The following LRP1B variants were observed in gnomAD, a reference collection of about 807,000 sequenced individuals.
LRP1B encodes the protein LDL receptor related protein 1B.
In LRP1B, 217 loss-of-function variants were observed where a neutral mutation model predicts 556.6. The ratio of observed to expected loss-of-function variants is 0.39; its 90% CI spans 0.35 to 0.44. The LOEUF (loss-of-function observed/expected upper bound fraction) is 0.44, where lower values mean the gene tolerates loss of function less well. LRP1B is among the 20% of genes least tolerant of loss of function. LRP1B has a pLI of 1.00. For missense variants in LRP1B, 5,053 were observed against 5,620.8 expected (o/e 0.90, Z 3.23); for synonymous variants, 2,047 against 1,865.8 (o/e 1.10, Z -2.50).
chr2:141,244,462 GA>G (rs1004991423), intron 5 of LRP1B, among the ~76,000 whole-genome samples: 3 of 151,186 alleles, frequency 2.0e-5, no homozygotes, highest in African/African-American at 7.3e-5. Context: ...GTAAGGAAAA[GA>G]AGAGAAAAGA....
chr2:140,482,337 C>T (rs112632665), intron 59 of LRP1B, among the ~76,000 whole-genome samples: 1,704 of 152,004 alleles, frequency 0.011, 39 homozygotes, highest in African/African-American at 0.039. Flanking sequence ...ATCATAATGG[C>T]CTTTGTTATG....
Position 141,770,764 on chromosome 2 carries a change from G to T in LRP1B, c.205+39515C>A, listed in dbSNP as rs749644871. ...TGTCTTTAAAGAGTTAGAAGAGGTC[G>T]GTGAGGGAGATTGAACTTGGAACCC... On this transcript the variant is annotated intron_variant, in intron 2 of 90. Transcript: ENST00000389484. Among the ~76,000 whole-genome samples, 142 of 152,180 alleles carry T rather than the reference G, an allele frequency of 9.3e-4. 1 individual carries two copies. Among genetic ancestry groups the T allele is most frequent in the Non-Finnish European group, 1.7e-3 (119 of 68,034 alleles).
intron 29 of LRP1B, among the ~76,000 whole-genome samples, chr2:140,844,448 C>T (rs978470400): frequency 1.3e-5 from 2 of 151,918 alleles, no homozygotes; most frequent in African/African-American, 2.4e-5. Context: ...TAAAAGAATA[C>T]TCTTCTTTTT....
chr2:141,509,784 A>C (rs1181506409), intron 2 of LRP1B, among the ~76,000 whole-genome samples: 1 of 152,180 alleles, frequency 6.6e-6, no homozygotes, highest in Non-Finnish European at 1.5e-5. Context: ...AATATTACCC[A>C]TTCTTTATAT....
At chr2:141,924,582 C>T (rs945334458) in intron 1 of LRP1B, among the ~76,000 whole-genome samples, 2 of 152,160 alleles carry the variant, frequency 1.3e-5, no homozygotes, top group African/African-American at 4.8e-5. Context: ...CACAGGCACC[C>T]ACCCCTAGAT....
intron 83 of LRP1B, among the ~76,000 whole-genome samples, chr2:140,313,554 T>C (rs1236638492): frequency 6.6e-6 from 1 of 151,896 alleles, no homozygotes; most frequent in African/African-American, 2.4e-5. Context: ...AATATAAATA[T>C]AGATAAATCA....
At chr2:141,535,373 C>A (rs1685037951) in intron 2 of LRP1B, among the ~76,000 whole-genome samples, 1 of 151,872 alleles carries the variant, frequency 6.6e-6, no homozygotes, top group Non-Finnish European at 1.5e-5. Context: ...TAGTTCATGG[C>A]TAAAATAAAA....
At chr2:141,092,081 AT>A (rs1363942280) in intron 7 of LRP1B, among the ~76,000 whole-genome samples, 1 of 152,252 alleles carries the variant, frequency 6.6e-6, no homozygotes, top group African/African-American at 2.4e-5. Context: ...AACCAGAAAT[AT>A]GCTATGCTAA....
At chr2:141,026,268 C>A (rs1235250789) in intron 11 of LRP1B, among the ~76,000 whole-genome samples, 1 of 152,072 alleles carries the variant, frequency 6.6e-6, no homozygotes, top group African/African-American at 2.4e-5. Context: ...GTCACTTGGA[C>A]AATTTAATTT....
chr2:141,412,051 C>T (rs1370246513), intron 3 of LRP1B, among the ~76,000 whole-genome samples: 1 of 151,996 alleles, frequency 6.6e-6, no homozygotes, highest in Non-Finnish European at 1.5e-5. Flanking sequence ...TTGCATTGTG[C>T]TAAATTAACA....
intron 3 of LRP1B, among the ~76,000 whole-genome samples, chr2:141,305,507 T>C (rs1686552190): frequency 6.6e-6 from 1 of 152,194 alleles, no homozygotes; most frequent in African/African-American, 2.4e-5. Context: ...CTTTAGTTTT[T>C]GTCTAGACAT....
chr2:141,418,453 T>C (rs991953820), intron 3 of LRP1B, among the ~76,000 whole-genome samples: 1 of 137,194 alleles, frequency 7.3e-6, no homozygotes, highest in Non-Finnish European at 1.6e-5. Flanking sequence ...TTTTTGCATG[T>C]GGATACCCAG....
chr2:141,694,566 C>CTTATG (rs55846246), intron 2 of LRP1B, among the ~76,000 whole-genome samples: 51,740 of 151,246 alleles, frequency 0.34, 9,324 homozygotes, highest in East Asian at 0.58. Context: ...TCAGTTTGAC[C>CTTATG]TTATTCCTGT....
At chr2:140,732,129 T>A (rs184100712) in intron 35 of LRP1B, among the ~76,000 whole-genome samples, 1 of 152,240 alleles carries the variant, frequency 6.6e-6, no homozygotes, top group Non-Finnish European at 1.5e-5. Context: ...GGTCATGAAT[T>A]GAAGCTGGTG....
chr2:140,684,886 A>T (rs1017689400), intron 41 of LRP1B, among the ~76,000 whole-genome samples: 3 of 152,194 alleles, frequency 2.0e-5, no homozygotes, highest in Non-Finnish European at 4.4e-5. Context: ...AAATGCTTCT[A>T]ACAATAGGAA....
At chr2:141,461,767 A>G (rs1184277320) in intron 3 of LRP1B, among the ~76,000 whole-genome samples, 2 of 152,324 alleles carry the variant, frequency 1.3e-5, no homozygotes, top group South Asian at 2.1e-4. Flanking sequence ...TTGGAAGACA[A>G]CCTTCCTTTT....
chr2:140,590,953 T>A (rs2105165944), intron 43 of LRP1B, among the ~76,000 whole-genome samples: 1 of 152,352 alleles, frequency 6.6e-6, no homozygotes, highest in South Asian at 2.1e-4. Context: ...TTTAATGGAT[T>A]AATAGAATTC....
At chr2:142,088,974 C>CAAAAAAA (rs1289382985) in intron 1 of LRP1B, among the ~76,000 whole-genome samples, 20 of 39,548 alleles carry the variant, frequency 5.1e-4, no homozygotes, top group Non-Finnish European at 6.8e-4. Flanking sequence ...GGCTCCGTCT[C>CAAAAAAA]AAAAAAAAAA....
At chr2:141,769,473 T>G (rs1024206317) in intron 2 of LRP1B, among the ~76,000 whole-genome samples, 1 of 152,142 alleles carries the variant, frequency 6.6e-6, no homozygotes, top group Non-Finnish European at 1.5e-5. Flanking sequence ...AGAACAGTGC[T>G]CCAAAGAAAT....
Sources: gnomAD v4.1 joint callset for allele counts (sites outside exome capture counted in the v4.1 genomes callset) on GRCh38, gnomAD v4.1.1 for gene constraint, MANE v1.5 for transcripts, NCBI Gene and HGNC (gene_info 2026-07-23, HGNC 2026-07-21) for gene names.